The following NBAS variants were observed in gnomAD, a reference collection of about 807,000 sequenced individuals.
NBAS encodes the protein NAG/BC035112 fusion.
A neutral mutation model predicts 302.5 loss-of-function variants in NBAS; 219 were observed. The ratio of observed to expected loss-of-function variants is 0.72; its 90% confidence interval spans 0.65 to 0.81. The LOEUF is 0.81. Ranked by LOEUF, NBAS falls within the 30% of genes least tolerant of loss-of-function variation. NBAS has a pLI of 0.00. For missense variants in NBAS, 2,932 were observed against 2,841.6 expected (o/e 1.03, Z -0.72); for synonymous variants, 1,118 against 1,021.6 (o/e 1.09, Z -1.80).
chr2:14,783,860 G>A, the NBAS span, among the ~76,000 whole-genome samples: 6,247 of 150,942 alleles, frequency 0.041, 217 homozygotes, highest in South Asian at 0.12. Context: ...TGGGTCAAAT[G>A]GTATTTCTAG....
the NBAS span, among the ~76,000 whole-genome samples, chr2:15,119,752 T>C: frequency 6.6e-6 from 1 of 152,180 alleles, no homozygotes; most frequent in African/African-American, 2.4e-5. Flanking sequence ...CTCAGGGCCC[T>C]ACAGAGGCCC....
chr2:14,839,429 A>G, the NBAS span, among the ~76,000 whole-genome samples: 263 of 152,158 alleles, frequency 1.7e-3, no homozygotes, highest in African/African-American at 6.1e-3. Context: ...GACTGAGAAG[A>G]GAAATATCCC....
chr2:15,171,626 G>A (rs918112003), intron 51 of NBAS, among the ~76,000 whole-genome samples: 3 of 152,112 alleles, frequency 2.0e-5, no homozygotes, highest in African/African-American at 7.2e-5. Flanking sequence ...GTTACCAGGG[G>A]AGGTATCACT....
rs546702823 is a variant in NBAS, at chr2:15,506,125, A to G, written c.886-1912T>C. Among the ~76,000 whole-genome samples the G allele has an allele frequency of 3.9e-5, 6 of 152,238 alleles. No individual in the cohort carries two copies. In the South Asian group the frequency reaches 1.2e-3, roughly 32 times the overall value. ...GAGGTAAAAAGAGTAAAGAAAAACT[A>G]CTGGAAAGAGAAGATAGTAAGAAGC... On this transcript the variant is annotated intron_variant, in intron 10 of 51. Coordinates refer to ENST00000281513, the MANE Select transcript of NBAS (RefSeq NM_015909.4).
intron 35 of NBAS, among the ~76,000 whole-genome samples, chr2:15,332,599 T>A (rs1225363110): frequency 6.6e-6 from 1 of 151,428 alleles, no homozygotes; most frequent in African/African-American, 2.4e-5. Context: ...GCAAAAACCA[T>A]CAACTCAATA....
the NBAS span, among the ~76,000 whole-genome samples, chr2:14,876,062 T>C: frequency 6.6e-6 from 1 of 152,228 alleles, no homozygotes; most frequent in African/African-American, 2.4e-5. Flanking sequence ...TTGCATCCTG[T>C]AGGCCTTTAA....
the NBAS span, among the ~76,000 whole-genome samples, chr2:15,105,206 A>G: frequency 1.3e-4 from 20 of 152,188 alleles, no homozygotes; most frequent in Non-Finnish European, 2.5e-4. Flanking sequence ...GGAGTTGAAC[A>G]ATGAGAACAC....
chr2:15,285,093 G>A (rs1669979251), intron 42 of NBAS, among the ~76,000 whole-genome samples: 1 of 152,082 alleles, frequency 6.6e-6, no homozygotes, highest in Non-Finnish European at 1.5e-5. Context: ...GCCAGTGTGT[G>A]TATCATAAGA....
chr2:15,536,934 T>C (rs1020540692), intron 7 of NBAS, among the ~76,000 whole-genome samples: 1 of 152,244 alleles, frequency 6.6e-6, no homozygotes, highest in Non-Finnish European at 1.5e-5. Flanking sequence ...CTGCCAGCAG[T>C]AGCCTGCGGT....
the NBAS span, among the ~76,000 whole-genome samples, chr2:15,049,397 C>A: frequency 6.6e-6 from 1 of 152,170 alleles, no homozygotes; most frequent in Admixed American, 6.5e-5. Flanking sequence ...TGGGCTTGTG[C>A]CCACCTCCTG....
chr2:15,118,980 G>A, the NBAS span, among the ~76,000 whole-genome samples: 1 of 152,340 alleles, frequency 6.6e-6, no homozygotes, highest in East Asian at 1.9e-4. Context: ...GGGTACCCAT[G>A]GTTTGGAGTC....
At chr2:15,501,582 A>ATTT (rs1491202445) in intron 11 of NBAS, among the ~76,000 whole-genome samples, 1 of 123,510 alleles carries the variant, frequency 8.1e-6, no homozygotes, top group Non-Finnish European at 1.8e-5. Flanking sequence ...AATGAACTAA[A>ATTT]TATTTTTTTT....
chr2:15,256,280 T>C (rs1668589003), intron 44 of NBAS, among the ~76,000 whole-genome samples: 1 of 152,102 alleles, frequency 6.6e-6, no homozygotes, highest in Admixed American at 6.6e-5. Flanking sequence ...TCCTTGCTTA[T>C]ATTCCTAAGT....
chr2:15,274,534 G>T (rs1272240925), intron 44 of NBAS, among the ~76,000 whole-genome samples: 3 of 152,038 alleles, frequency 2.0e-5, no homozygotes, highest in Non-Finnish European at 4.4e-5. Context: ...AGTCCAAGTA[G>T]TGAAAAATGT....
At chr2:15,424,277 A>C in intron 23 of NBAS, 38 bp downstream of exon 23, 1 of 1,612,362 alleles carries the variant, frequency 6.2e-7, no homozygotes, top group Non-Finnish European at 8.5e-7. Context: ...AGGCAGTTCC[A>C]CTAACATTAC....
chr2:15,364,574 C>T (rs1344687210), intron 32 of NBAS, among the ~76,000 whole-genome samples: 1 of 152,114 alleles, frequency 6.6e-6, no homozygotes, highest in Non-Finnish European at 1.5e-5. Context: ...CTGGTTTCTC[C>T]TGGAGCACTG....
At chr2:15,387,831 G>T (rs1288264947) in intron 28 of NBAS, among the ~76,000 whole-genome samples, 1 of 151,910 alleles carries the variant, frequency 6.6e-6, no homozygotes, top group African/African-American at 2.4e-5. Context: ...ACAGGGTTTT[G>T]CCATGTTGCC....
intron 42 of NBAS, among the ~76,000 whole-genome samples, 188 bp from the exon 43 acceptor site, chr2:15,277,289 C>G (rs60369462): frequency 6.6e-6 from 1 of 152,264 alleles, no homozygotes; most frequent in Admixed American, 6.5e-5. Flanking sequence ...TGCCTACTAA[C>G]ATTTAACTGA....
chr2:14,872,631 G>T, the NBAS span, among the ~76,000 whole-genome samples: 8 of 152,080 alleles, frequency 5.3e-5, no homozygotes, highest in East Asian at 1.5e-3. Flanking sequence ...GACCTTCGGG[G>T]TGAGTGTTAC....
Sources: allele counts gnomAD v4.1 joint callset (sites outside exome capture counted in the v4.1 genomes callset), GRCh38; gene constraint gnomAD v4.1.1; transcripts MANE v1.5; gene names NCBI Gene and HGNC (gene_info 2026-07-23, HGNC 2026-07-21).